The following PCNT variants were observed in gnomAD, a reference collection of about 807,000 sequenced individuals.
PCNT encodes pericentrin.
A neutral mutation model predicts 380.4 loss-of-function variants in PCNT; 319 were observed. The observed-to-expected ratio is 0.84, with a 90% CI of 0.77 to 0.92. PCNT has a LOEUF of 0.92. PCNT is among the 40% of genes least tolerant of loss of function. The pLI is 0.00. For missense variants in PCNT, 4,400 were observed against 4,255.3 expected, an observed-to-expected ratio of 1.03 and a Z score of -0.95; for synonymous variants, 1,845 against 1,735.2, an observed-to-expected ratio of 1.06 and a Z score of -1.57.
intron 31 of PCNT, 53 bp downstream of exon 31, chr21:46,418,359 C>T (rs764847896): frequency 1.7e-5 from 18 of 1,059,388 alleles, no homozygotes; most frequent in Non-Finnish European, 2.5e-5. Flanking sequence ...TTTCCTAGCA[C>T]AGAATAGTCA....
chr21:46,368,101 G>A (rs1401487376), intron 15 of PCNT, among the ~76,000 whole-genome samples: 1 of 152,128 alleles, frequency 6.6e-6, no homozygotes, highest in East Asian at 1.9e-4. Context: ...GCTGCAGGGT[G>A]AGCTAAGACT....
Position 46,431,724 on chromosome 21 carries a change from A to T in PCNT, c.8260A>T (p.Thr2754Ser). 1 of 1,612,080 alleles carries T rather than the reference A, an allele frequency of 6.2e-7. No homozygotes were observed. The highest frequency in any genetic ancestry group is 8.5e-7 in the Non-Finnish European group (1 of 1,179,734). ...GGACCTTGCGGCTGAGAAGAGCCGC[A>T]CCCTGGAGCTGTCAGAGGCCTTGCG... ...QKDLAAEKSR[T>S]LELSEALRHE... Residue 2754 changes from threonine (T) to serine (S), a missense_variant, in exon 38 of 47, where the codon ACC becomes TCC. By Grantham distance (58) the Thr-to-Ser change is moderately conservative. Coordinates refer to ENST00000359568, the MANE Select transcript of PCNT (RefSeq NM_006031.6).
Position 46,445,338 on chromosome 21 carries a change from A to G in PCNT, c.*11A>G, listed in dbSNP as rs764081268. ...ATGATTAAACAGTGAATAAAATGTCATGGCTCTTTCCTGCGACAATTCTAT... is the reference window on the plus strand; with the variant it reads ...ATGATTAAACAGTGAATAAAATGTCGTGGCTCTTTCCTGCGACAATTCTAT... On this transcript the variant is annotated 3_prime_UTR_variant, in exon 47 of 47. Coordinates refer to ENST00000359568, the MANE Select transcript of PCNT (RefSeq NM_006031.6). The G allele has an allele frequency of 5.0e-6, 8 of 1,591,296 alleles. No individual in the cohort carries two copies. Among genetic ancestry groups the G allele is most frequent in the Admixed American group, 5.0e-5 (3 of 59,976 alleles).
At chr21:46,356,692 T>C (rs1013041211) in intron 12 of PCNT, among the ~76,000 whole-genome samples, 2 of 152,178 alleles carry the variant, frequency 1.3e-5, no homozygotes, top group Non-Finnish European at 2.9e-5. Context: ...ACACCTGACC[T>C]GAAGGAGTAG....
At chr21:46,350,172 G>A (rs536214567) in intron 8 of PCNT, among the ~76,000 whole-genome samples, 3 of 152,206 alleles carry the variant, frequency 2.0e-5, no homozygotes, top group African/African-American at 7.2e-5. Context: ...GCGAGCCTCC[G>A]TCTCAAAAGC....
At position 46,363,913 on chromosome 21, in the gene PCNT, A is replaced by G. The variant is rs745347846; in HGVS notation, c.2588A>G (p.Gln863Arg). Residue 863 changes from glutamine (Q) to arginine (R), a missense_variant, in exon 14 of 47, where the codon CAG (glutamine) becomes CGG (arginine). Gln to Arg is a conservative substitution (Grantham distance 43, BLOSUM62 1). Transcript: ENST00000359568. The stretch of plus-strand genomic sequence containing the variant: ...CACGTGAAGGAAGACTGCGCCCTGC[A>G]GCTGATGCTGGCCCGGAGCAGGTGG... ...ALHVKEDCAL[Q>R]LMLARSRFLE... 5 of 1,609,696 alleles carry G rather than the reference A, an allele frequency of 3.1e-6. No individual in the cohort carries two copies. The highest frequency in any genetic ancestry group is 4.2e-6 in the Non-Finnish European group (5 of 1,179,834).
chr21:46,372,006 G>A (rs1285010528), intron 15 of PCNT, among the ~76,000 whole-genome samples: 5 of 149,072 alleles, frequency 3.4e-5, no homozygotes, highest in African/African-American at 1.2e-4. Flanking sequence ...CACACACACA[G>A]CACATGCACA....
At position 46,346,150 on chromosome 21, in the gene PCNT, T is replaced by G; in HGVS notation, c.662T>G (p.Leu221Arg). 1 of 1,614,178 alleles carries G rather than the reference T, an allele frequency of 6.2e-7. No homozygotes were observed. Among genetic ancestry groups the G allele is most frequent in the Non-Finnish European group, 8.5e-7 (1 of 1,180,030 alleles). The change falls in exon 4 of 47, where the codon CTT becomes CGT. Residue 221 changes from leucine (L) to arginine (R), a missense_variant. Physicochemically the swap from Leu to Arg is moderately radical, Grantham distance 102 (BLOSUM62 -2). Coordinates refer to ENST00000359568, the MANE Select transcript of PCNT (RefSeq NM_006031.6). ...FTKECEQECE[L>R]AITDLESGRE... ...CAGGAGTGTGAACAAGAATGTGAAC[T>G]TGCCATTACTGACCTGGAGAGCGGC...
chr21:46,435,987 C>G lies in PCNT; in HGVS notation c.8835C>G (p.Asp2945Glu), dbSNP rs146875945. ...CAGTGAGAGACCTGGAGTCGAAGGA[C>G]GAGGTGCCTGGCAGCCGCCTCCACC... ...QQTVRDLESK[D>E]EVPGSRLHLG... The change falls in exon 39 of 47, where the codon GAC (aspartate) becomes GAG (glutamate). Residue 2945 changes from aspartate to glutamate, a missense_variant. Coordinates refer to ENST00000359568, the MANE Select transcript of PCNT (RefSeq NM_006031.6). The G allele has an allele frequency of 6.2e-7, 1 of 1,614,154 alleles. No homozygotes were observed. Among genetic ancestry groups the G allele is most frequent in the Non-Finnish European group, 8.5e-7 (1 of 1,180,032 alleles).
intron 43 of PCNT, 86 bp downstream of exon 43, chr21:46,441,170 TC>T (rs1448050024): frequency 2.4e-6 from 2 of 816,660 alleles, no homozygotes; most frequent in East Asian, 5.0e-5. Flanking sequence ...GTCATTTTAT[TC>T]CTTGAAACTC....
chr21:46,428,201 G>T (rs1231682193), intron 34 of PCNT, among the ~76,000 whole-genome samples, 194 bp from the exon 35 acceptor site: 1 of 152,196 alleles, frequency 6.6e-6, no homozygotes, highest in Non-Finnish European at 1.5e-5. Flanking sequence ...TGGCTTGCAG[G>T]CCTCACGCAG....
chr21:46,417,030 C>T (rs1211140692), intron 30 of PCNT, among the ~76,000 whole-genome samples, 191 bp downstream of exon 30: 1 of 152,182 alleles, frequency 6.6e-6, no homozygotes, highest in Non-Finnish European at 1.5e-5. Flanking sequence ...TTTTAAAATG[C>T]CTGAGATGCA....
At chr21:46,362,506 A>T (rs957548882) in intron 13 of PCNT, among the ~76,000 whole-genome samples, 2 of 152,224 alleles carry the variant, frequency 1.3e-5, no homozygotes, top group African/African-American at 4.8e-5. Flanking sequence ...GTGCACAGGC[A>T]TCACCAGAAG....
Position 46,411,469 on chromosome 21 carries a change from A to G in PCNT, c.5396A>G (p.Lys1799Arg). 2 of 1,610,326 alleles carry G rather than the reference A, an allele frequency of 1.2e-6. No homozygotes were observed. The highest frequency in any genetic ancestry group is 1.7e-6 in the Non-Finnish European group (2 of 1,178,992). The change falls in exon 28 of 47, where the codon AAG becomes AGG. Residue 1799 changes from lysine (K) to arginine (R), a missense_variant. Transcript: ENST00000359568. ...QGELEAALEA[K>R]EALSRLLADQ... ...GAGCTCGAGGCTGCGCTGGAAGCCAAGGAGGCCCTGAGCCGGCTGCTGGCT... is the reference window on the plus strand; with the variant it reads ...GAGCTCGAGGCTGCGCTGGAAGCCAGGGAGGCCCTGAGCCGGCTGCTGGCT...
chr21:46,325,766 TC>T (rs1378419482), intron 1 of PCNT, among the ~76,000 whole-genome samples: 5 of 152,130 alleles, frequency 3.3e-5, no homozygotes, highest in African/African-American at 4.8e-5. Context: ...TCTCAAACTC[TC>T]GGATTTGAGG....
intron 38 of PCNT, among the ~76,000 whole-genome samples, chr21:46,432,450 C>T (rs1218306312): frequency 6.6e-6 from 1 of 152,198 alleles, no homozygotes; most frequent in African/African-American, 2.4e-5. Context: ...AGTTTCAGCT[C>T]TGTGGGGCTT....
At position 46,349,796 on chromosome 21, in the gene PCNT, G is replaced by T; in HGVS notation, c.1320G>T (p.Glu440Asp). 1.2e-6 allele frequency: 2 copies of T among 1,614,208 alleles called. No homozygotes were observed. Among genetic ancestry groups the T allele is most frequent in the Non-Finnish European group, 1.7e-6 (2 of 1,180,026 alleles). Residue 440 changes from glutamate to aspartate, a missense_variant, in exon 8 of 47, where the codon GAG (glutamate) becomes GAT (aspartate). Physicochemically the swap from Glu to Asp is conservative, Grantham distance 45. Transcript: ENST00000359568. ...CLEDLEFKFK[E>D]SEKEKQLELE... ...AAGACTTGGAGTTCAAGTTCAAAGA[G>T]AGCGAGAAAGAAAAACAGCTGGAGG...
chr21:46,391,277 C>G lies in PCNT; in HGVS notation c.4117C>G (p.Gln1373Glu). 1 of 1,590,736 alleles carries G rather than the reference C, an allele frequency of 6.3e-7. No individual in the cohort carries two copies. Among genetic ancestry groups the G allele is most frequent in the Non-Finnish European group, 8.6e-7 (1 of 1,168,950 alleles). Residue 1373 changes from glutamine to glutamate, a missense_variant, in exon 21 of 47, where the codon CAG becomes GAG. Coordinates refer to ENST00000359568, the MANE Select transcript of PCNT (RefSeq NM_006031.6). ...LELESLRRQLQQAAQEQAALR... is the reference protein window; with the variant it reads ...LELESLRRQLEQAAQEQAALR... ...GCTGGAGAGCCTGAGACGGCAGCTG[C>G]AGCAGGCGGCCCAGGAGCAGGCGGC...
At chr21:46,397,675 T>C (rs2086253516) in intron 22 of PCNT, among the ~76,000 whole-genome samples, 181 bp downstream of exon 22, 1 of 152,144 alleles carries the variant, frequency 6.6e-6, no homozygotes. Flanking sequence ...CCACATGTTG[T>C]GGCGCAGCCC....
Sources: allele counts gnomAD v4.1 joint callset (sites outside exome capture counted in the v4.1 genomes callset), GRCh38; gene constraint gnomAD v4.1.1; transcripts MANE v1.5; gene names NCBI Gene and HGNC (gene_info 2026-07-23, HGNC 2026-07-21).